The following PTMA variants were observed in gnomAD, a reference collection of about 807,000 sequenced individuals.
The protein encoded by PTMA is gene sequence 28.
Under a neutral mutation model 16.9 loss-of-function variants are expected in PTMA, and 4 were observed. The observed-to-expected ratio is 0.24, with a 90% CI of 0.12 to 0.54. The LOEUF (loss-of-function observed/expected upper bound fraction) is 0.54. PTMA is among the 20% of genes least tolerant of loss of function. The probability of loss-of-function intolerance (pLI) is 0.95; values close to 1 mark genes in which losing one functional copy is unlikely to be tolerated. For synonymous variants in PTMA, 58 were observed against 47.9 expected, an observed-to-expected ratio of 1.21 and a Z score of -0.87; for missense variants, 120 against 137.7, an observed-to-expected ratio of 0.87 and a Z score of 0.64.
At chr2:231,710,429 T>G in intron 1 of PTMA, 13 of 1,146,700 alleles carry the variant, frequency 1.1e-5, no homozygotes, top group Non-Finnish European at 1.4e-5. Flanking sequence ...CCCCCACTGC[T>G]CCCCGGGGCT....
At chr2:231,710,933 G>A (rs1244069947) in intron 1 of PTMA, among the ~76,000 whole-genome samples, 2 of 152,230 alleles carry the variant, frequency 1.3e-5, no homozygotes, top group Non-Finnish European at 2.9e-5. Flanking sequence ...ATTTATTTTT[G>A]GAACATAACC....
Position 231,712,924 on chromosome 2 carries a change from C to CA in PTMA, c.*74dup, listed in dbSNP as rs1230390514. ...CCTATTCACCCTCCACTTCCCGTCT[C>CA]AGAATCTAAACGTGGTCACCTTCGA... On this transcript the variant is annotated 3_prime_UTR_variant, in exon 5 of 5. Transcript: ENST00000409115. 6.8e-7 allele frequency: 1 copy of CA among 1,478,850 alleles called. No homozygotes were observed. Among genetic ancestry groups the CA allele is most frequent in the Admixed American group, 2.2e-5 (1 of 44,516 alleles). The allele number at this position is 1,478,850 out of a possible 1,614,324, so 91.6% of individuals were successfully genotyped here. A position where few individuals can be genotyped will look rare whatever the true frequency, so the allele number is the denominator to read the frequency against.
intron 2 of PTMA, 26 bp from the exon 3 acceptor site, chr2:231,711,864 G>A (rs779217475): frequency 6.2e-7 from 1 of 1,611,760 alleles, no homozygotes; most frequent in African/African-American, 1.3e-5. Context: ...AGCTGGTAAT[G>A]ACATGGCCTG....
intron 1 of PTMA, among the ~76,000 whole-genome samples, chr2:231,710,893 C>T (rs73086828): frequency 0.036 from 5,503 of 152,318 alleles, 259 homozygotes; most frequent in African/African-American, 0.11. Context: ...TGGGGCTCTC[C>T]CCGAGCGCAG....
In PTMA at chr2:231,711,136, T is replaced by C. The variant is rs530380350; in HGVS notation, c.46-212T>C. 3 of 469,580 alleles carry C rather than the reference T, an allele frequency of 6.4e-6. No homozygotes were observed. The South Asian group carries it at 8.2e-5, about 13-fold the overall frequency. 29.1% of individuals were successfully genotyped at this position (469,580 alleles called of 1,614,324 possible). A position where few individuals can be genotyped will look rare whatever the true frequency, so the allele number is the denominator to read the frequency against. ...GGCCGCTGTAGCGGGCCTTAAAGGA[T>C]GGGAAACCTTGATCACAGATGCCCC... On this transcript the variant is annotated intron_variant, in intron 1 of 4. Coordinates refer to ENST00000409115, the MANE Select transcript of PTMA (RefSeq NM_002823.5).
chr2:231,712,036 C>T (rs1057139677), intron 3 of PTMA, 53 bp downstream of exon 3: 2 of 1,549,344 alleles, frequency 1.3e-6, no homozygotes, highest in African/African-American at 1.4e-5. Flanking sequence ...CTGGCCTTGT[C>T]TGGCAGAAGG....
chr2:231,713,096 C>T lies in PTMA; in HGVS notation c.*245C>T, dbSNP rs1162361990. 5.8e-6 allele frequency: 3 copies of T among 519,414 alleles called. No homozygotes were observed. Among genetic ancestry groups the T allele is most frequent in the East Asian group, 7.0e-5 (2 of 28,508 alleles). 32.2% of individuals were successfully genotyped at this position (519,414 alleles called of 1,614,324 possible). A position where few individuals can be genotyped will look rare whatever the true frequency, so the allele number is the denominator to read the frequency against. On this transcript the variant is annotated 3_prime_UTR_variant, in exon 5 of 5. Transcript: ENST00000409115. ...GGCCCTGCTTTTTTTCTTAAAAGTACTTTAAAAAGGAAATTTGTTTGTATT... is the reference window on the plus strand; with the variant it reads ...GGCCCTGCTTTTTTTCTTAAAAGTATTTTAAAAAGGAAATTTGTTTGTATT...
At chr2:231,709,416 G>A (rs535904296) in intron 1 of PTMA, among the ~76,000 whole-genome samples, 1 of 152,314 alleles carries the variant, frequency 6.6e-6, no homozygotes, top group East Asian at 1.9e-4. Context: ...TGCGCCGGGA[G>A]CGGCCGCCCA....
chr2:231,709,250 C>T (rs773002084), intron 1 of PTMA, among the ~76,000 whole-genome samples: 4 of 152,168 alleles, frequency 2.6e-5, no homozygotes, highest in South Asian at 2.1e-4. Context: ...TCGCGCCCTG[C>T]AGCGGACCTG....
At chr2:231,711,698 G>A in intron 2 of PTMA, 192 bp from the exon 3 acceptor site, 2 of 1,065,912 alleles carry the variant, frequency 1.9e-6, no homozygotes, top group Non-Finnish European at 2.6e-6. Context: ...CCTTGTCCTG[G>A]GGCAGTTAAT....
intron 1 of PTMA, 110 bp from the exon 2 acceptor site, chr2:231,711,238 A>T (rs1345213821): frequency 1.3e-5 from 11 of 862,366 alleles, no homozygotes. Flanking sequence ...TGCGACTCTT[A>T]ATTTGGGACG....
At chr2:231,709,318 C>G (rs1250864601) in intron 1 of PTMA, among the ~76,000 whole-genome samples, 1 of 152,036 alleles carries the variant, frequency 6.6e-6, no homozygotes, top group Non-Finnish European at 1.5e-5. Flanking sequence ...GCTGGCTGGC[C>G]GCGACGTCGG....
intron 1 of PTMA, chr2:231,710,055 G>C: frequency 5.7e-6 from 7 of 1,224,608 alleles, no homozygotes; most frequent in Non-Finnish European, 7.1e-6. Flanking sequence ...TTTCTCCGAA[G>C]CACCAAAAGG....
Position 231,711,398 on chromosome 2 carries a change from C to T in PTMA, c.96C>T (p.Asp32=), listed in dbSNP as rs2048516736. The change falls in exon 2 of 5, where the codon GAC becomes GAT. Residue 32 remains aspartate (D), a synonymous_variant. Transcript: ENST00000409115. The stretch of plus-strand genomic sequence containing the variant: ...TGGAAGAGGCAGAAAATGGAAGAGA[C>T]GCCCCTGCTAACGGGAATGCTGTGA... ...EVVEEAENGR[D]APANGNANEE... The T allele has an allele frequency of 2.5e-6, 4 of 1,614,106 alleles. No individual in the cohort carries two copies. Among genetic ancestry groups the T allele is most frequent in the Non-Finnish European group, 3.4e-6 (4 of 1,179,962 alleles).
intron 1 of PTMA, among the ~76,000 whole-genome samples, chr2:231,709,460 C>T (rs1209783634): frequency 1.3e-5 from 2 of 152,178 alleles, no homozygotes; most frequent in Non-Finnish European, 1.5e-5. Flanking sequence ...CCGGGCTTGG[C>T]TGAGGAGGCG....
In PTMA at chr2:231,711,417, G is replaced by A; in HGVS notation, c.115G>A (p.Ala39Thr). 1 of 1,614,108 alleles carries A rather than the reference G, an allele frequency of 6.2e-7. No homozygotes were observed. ...NGRDAPANGN[A>T]NEENGEQEAD... The stretch of plus-strand genomic sequence containing the variant: ...AAGAGACGCCCCTGCTAACGGGAAT[G>A]CTGTGAGTGTCTGCTTTGCTCCTGA... Residue 39 changes from alanine to threonine, a missense_variant and splice_region_variant, in exon 2 of 5, where the codon GCT becomes ACT. Physicochemically the swap from Ala to Thr is moderately conservative, Grantham distance 58 (BLOSUM62 0). Coordinates refer to ENST00000409115, the MANE Select transcript of PTMA (RefSeq NM_002823.5).
chr2:231,710,227 G>C (rs1181114429), intron 1 of PTMA: 1 of 1,342,254 alleles, frequency 7.5e-7, no homozygotes, highest in Admixed American at 3.0e-5. Context: ...GCGTCGAGTC[G>C]AGAGCCCGGC....
intron 1 of PTMA, chr2:231,710,378 G>T (rs1320199529): frequency 8.4e-7 from 1 of 1,187,204 alleles, no homozygotes; most frequent in Non-Finnish European, 1.0e-6. Flanking sequence ...CGCAAAGCCC[G>T]CCGGGCGGGG....
At chr2:231,708,938 C>T (rs1033411331) in intron 1 of PTMA, among the ~76,000 whole-genome samples, 187 bp downstream of exon 1, 2 of 152,172 alleles carry the variant, frequency 1.3e-5, no homozygotes, top group African/African-American at 4.8e-5. Context: ...CGGGAACCGC[C>T]GCGGGCAGAC....
Sources: gnomAD v4.1 joint callset for allele counts (sites outside exome capture counted in the v4.1 genomes callset) on GRCh38, gnomAD v4.1.1 for gene constraint, MANE v1.5 for transcripts, NCBI Gene and HGNC (gene_info 2026-07-23, HGNC 2026-07-21) for gene names.